APLF: variants seen among roughly 807,000 people sequenced by gnomAD.
The protein encoded by APLF is aprataxin and PNK-like factor.
In APLF, 61 loss-of-function variants were observed where a neutral mutation model predicts 55.6. The observed-to-expected ratio is 1.10, with a 90% CI of 0.89 to 1.36. The LOEUF is 1.36. Among genes scored for constraint, APLF ranks in the 40% most tolerant of loss-of-function variants. APLF has a pLI of 0.00. For missense variants in APLF, 611 were observed against 602.5 expected, an observed-to-expected ratio of 1.01 and a Z score of -0.15; for synonymous variants, 207 against 214.8, an observed-to-expected ratio of 0.96 and a Z score of 0.32.
intron 2 of APLF, among the ~76,000 whole-genome samples, chr2:68,501,611 G>C (rs1462572169): frequency 2.0e-5 from 3 of 151,712 alleles, no homozygotes; most frequent in African/African-American, 7.3e-5. Context: ...TTTGTTTTTT[G>C]AAGCAACTCT....
At chr2:68,528,985 C>T (rs1347216233) in intron 6 of APLF, 41 of 1,522,350 alleles carry the variant, frequency 2.7e-5, no homozygotes, top group Middle Eastern at 1.9e-4. Flanking sequence ...CTTTCACCTC[C>T]GTTGCTTCTT....
rs1244037862 is a variant in APLF, at chr2:68,467,784, T to C, written c.53T>C (p.Leu18Pro). Residue 18 changes from leucine (L) to proline (P), a missense_variant, in exon 1 of 10, where the codon CTG becomes CCG. Physicochemically the swap from Leu to Pro is moderately conservative, Grantham distance 98. Transcript: ENST00000303795. Reference sequence around the variant, plus strand: ...CGGGACGGCGGTCCCCGGGTGGCCCTGGCGCCCGGGGAGACGGTGATCGGC... The same window carrying C: ...CGGGACGGCGGTCCCCGGGTGGCCCCGGCGCCCGGGGAGACGGTGATCGGC... ...QPRDGGPRVALAPGETVIGRG... is the reference protein window; with the variant it reads ...QPRDGGPRVAPAPGETVIGRG... 9.7e-6 allele frequency: 12 copies of C among 1,234,152 alleles called. No individual in the cohort carries two copies. In the Admixed American group the frequency reaches 2.5e-4, roughly 26 times the overall value. The allele number at this position is 1,234,152 out of a possible 1,614,324, so 76.5% of individuals were successfully genotyped here. A position where few individuals can be genotyped will look rare whatever the true frequency, so the allele number is the denominator to read the frequency against.
chr2:68,503,341 G>A (rs1676780097), intron 3 of APLF, among the ~76,000 whole-genome samples: 1 of 152,080 alleles, frequency 6.6e-6, no homozygotes, highest in Admixed American at 6.6e-5. Flanking sequence ...ATAGAACAGA[G>A]AAACTGAGGA....
At chr2:68,562,450 C>T (rs900291432) in intron 8 of APLF, among the ~76,000 whole-genome samples, 8 of 151,948 alleles carry the variant, frequency 5.3e-5, no homozygotes, top group Non-Finnish European at 7.4e-5. Flanking sequence ...ATCTCATGCC[C>T]TCCAGCCGCT....
intron 3 of APLF, among the ~76,000 whole-genome samples, chr2:68,509,228 C>A (rs370326119): frequency 2.6e-5 from 4 of 151,820 alleles, no homozygotes; most frequent in East Asian, 3.9e-4. Context: ...AATGGGATCT[C>A]ATTAAACTAA....
intron 3 of APLF, among the ~76,000 whole-genome samples, chr2:68,508,511 GAA>G (rs1376211795): frequency 1.3e-5 from 2 of 151,762 alleles, no homozygotes; most frequent in Admixed American, 6.6e-5. Flanking sequence ...AAAACTCTTA[GAA>G]AAAAACAGGT....
At chr2:68,560,949 G>C (rs1421205713) in intron 8 of APLF, among the ~76,000 whole-genome samples, 2 of 152,048 alleles carry the variant, frequency 1.3e-5, no homozygotes, top group African/African-American at 4.8e-5. Flanking sequence ...TGAAATAACT[G>C]ACTTTCGAAA....
chr2:68,480,994 G>A (rs1227309383), intron 1 of APLF, among the ~76,000 whole-genome samples: 4 of 152,074 alleles, frequency 2.6e-5, no homozygotes, highest in Non-Finnish European at 5.9e-5. Flanking sequence ...TTTTTAATGT[G>A]TTCTTGGATT....
intron 9 of APLF, among the ~76,000 whole-genome samples, chr2:68,575,913 G>A (rs1671608163): frequency 6.6e-6 from 1 of 152,020 alleles, no homozygotes; most frequent in Non-Finnish European, 1.5e-5. Context: ...ATGTGAATTT[G>A]GGAATTTAGG....
At chr2:68,485,158 G>A (rs749880769) in intron 1 of APLF, among the ~76,000 whole-genome samples, 7 of 151,482 alleles carry the variant, frequency 4.6e-5, no homozygotes, top group Admixed American at 1.3e-4. Flanking sequence ...TCCCATACTC[G>A]GTTTTGTACA....
Position 68,579,968 on chromosome 2 carries a change from CA to C in APLF, c.*1952del, listed in dbSNP as rs1671727067. 2.3e-6 allele frequency: 2 copies of C among 861,962 alleles called. No individual in the cohort carries two copies. Among genetic ancestry groups the C allele is most frequent in the Non-Finnish European group, 2.8e-6 (2 of 717,862 alleles). The allele number at this position is 861,962 out of a possible 1,614,324, so 53.4% of individuals were successfully genotyped here. On this transcript the variant is annotated 3_prime_UTR_variant, in exon 10 of 10. Coordinates refer to ENST00000303795, the MANE Select transcript of APLF (RefSeq NM_173545.3). ...ACTATATATTTCAATAAATCTGTCA[CA>C]AAAAAGTAATGCAAAGGGTAATACC...
intron 9 of APLF, among the ~76,000 whole-genome samples, chr2:68,569,797 G>A (rs1290140723): frequency 6.6e-6 from 1 of 152,122 alleles, no homozygotes; most frequent in Non-Finnish European, 1.5e-5. Context: ...TAATCAGTTG[G>A]CTGTGATATG....
chr2:68,529,952 C>A lies in APLF; in HGVS notation c.804+3710C>A, dbSNP rs1455038245. Among the ~76,000 whole-genome samples the A allele has an allele frequency of 1.3e-5, 2 of 152,256 alleles. No homozygotes were observed. Among genetic ancestry groups the A allele is most frequent in the African/African-American group, 2.4e-5 (1 of 41,472 alleles). ...GGGCCTCTCCAGTGCCTCTGTGCCGCCTGGAGCCAGGCCCGCCTTCTCCAT... is the reference window on the plus strand; with the variant it reads ...GGGCCTCTCCAGTGCCTCTGTGCCGACTGGAGCCAGGCCCGCCTTCTCCAT... On this transcript the variant is annotated intron_variant, in intron 6 of 9. Transcript: ENST00000303795. This position sits in a 1 kb window ranked among gnomAD's most constrained non-coding sequence, Gnocchi z 4.4.
chr2:68,542,678 G>A (rs1445352987), intron 7 of APLF, among the ~76,000 whole-genome samples: 2 of 152,146 alleles, frequency 1.3e-5, no homozygotes, highest in Non-Finnish European at 2.9e-5. Flanking sequence ...TGGGGATGTG[G>A]AAAAATTGGA....
intron 3 of APLF, among the ~76,000 whole-genome samples, chr2:68,506,047 C>T (rs926012514): frequency 5.9e-5 from 9 of 151,862 alleles, no homozygotes; most frequent in Non-Finnish European, 1.2e-4. Flanking sequence ...ACAAAAGACG[C>T]TCCTTTCACC....
At chr2:68,517,249 A>C in intron 5 of APLF, among the ~76,000 whole-genome samples, 1 of 86,170 alleles carries the variant, frequency 1.2e-5, no homozygotes, top group African/African-American at 5.7e-5. Flanking sequence ...TGTCATTACT[A>C]TATAATATAT....
chr2:68,577,906 G>C lies in APLF; in HGVS notation c.1420G>C (p.Glu474Gln). The C allele has an allele frequency of 6.2e-7, 1 of 1,613,622 alleles. No individual in the cohort carries two copies. Among genetic ancestry groups the C allele is most frequent in the East Asian group, 2.2e-5 (1 of 44,832 alleles). The change falls in exon 10 of 10, where the codon GAA (glutamate) becomes CAA (glutamine). Residue 474 changes from glutamate (E) to glutamine (Q), a missense_variant. By Grantham distance (29) the Glu-to-Gln change is conservative. Transcript: ENST00000303795. ...LNDSFLDDEE[E>Q]DYEPTDEDSD... The stretch of plus-strand genomic sequence containing the variant: ...CGACAGCTTTCTAGATGATGAGGAA[G>C]AAGACTATGAGCCAACAGATGAAGA...
rs779166218 is a variant in APLF, at chr2:68,513,068, TTTATC to T, written c.342-7_342-3del. On this transcript the variant is annotated splice_polypyrimidine_tract_variant and splice_region_variant and intron_variant, in intron 3 of 9. Coordinates refer to ENST00000303795, the MANE Select transcript of APLF (RefSeq NM_173545.3). Reference sequence around the variant, plus strand: ...TTTAAAATTAAAGACCAGTTTCTATTTTATCTTATAGAAACAGTCAAGTGCTTGAT... The same window carrying T: ...TTTAAAATTAAAGACCAGTTTCTATTTTATAGAAACAGTCAAGTGCTTGAT... 33 of 1,587,406 alleles carry T rather than the reference TTTATC, an allele frequency of 2.1e-5. No homozygotes were observed. Among genetic ancestry groups the T allele is most frequent in the Non-Finnish European group, 2.7e-5 (32 of 1,165,716 alleles).
chr2:68,545,968 C>T (rs1670692222), intron 8 of APLF, among the ~76,000 whole-genome samples: 1 of 152,106 alleles, frequency 6.6e-6, no homozygotes, highest in South Asian at 2.1e-4. Context: ...TTCAGCTTTA[C>T]AGAGCTTTAA....
Sources: gnomAD v4.1 joint callset for allele counts (sites outside exome capture counted in the v4.1 genomes callset) on GRCh38, gnomAD v4.1.1 for gene constraint, Gnocchi (gnomAD v3.1) non-coding constraint, MANE v1.5 for transcripts, NCBI Gene and HGNC (gene_info 2026-07-23, HGNC 2026-07-21) for gene names.